The following DCC variants were observed in gnomAD, a reference collection of about 807,000 sequenced individuals.
DCC encodes the protein DCC netrin 1 receptor.
DCC carries 58 observed loss-of-function variants against 172.5 expected under a neutral mutation model. The observed-to-expected ratio is 0.34, with a 90% CI of 0.27 to 0.42. The LOEUF is 0.42. Ranked by LOEUF, DCC falls within the 10% of genes least tolerant of loss-of-function variation. The pLI, the probability that DCC is intolerant of heterozygous loss-of-function variation, is 1.00. For missense variants in DCC, 1,740 were observed against 1,791.0 expected, an observed-to-expected ratio of 0.97 and a Z score of 0.51; for synonymous variants, 709 against 644.5, an observed-to-expected ratio of 1.10 and a Z score of -1.52.
At chr18:53,182,177 T>C (rs1241502015) in intron 9 of DCC, among the ~76,000 whole-genome samples, 1 of 152,228 alleles carries the variant, frequency 6.6e-6, no homozygotes, top group African/African-American at 2.4e-5. Context: ...TGTTGTCACA[T>C]ATAAATTCTA....
At chr18:52,635,838 C>T (rs1171859884) in intron 1 of DCC, among the ~76,000 whole-genome samples, 4 of 152,182 alleles carry the variant, frequency 2.6e-5, no homozygotes, top group East Asian at 1.9e-4. Context: ...AGTCAATCAC[C>T]GTGAACGGGA....
At chr18:52,705,500 A>C (rs1164694972) in intron 1 of DCC, among the ~76,000 whole-genome samples, 1 of 152,212 alleles carries the variant, frequency 6.6e-6, no homozygotes, top group Non-Finnish European at 1.5e-5. Flanking sequence ...TTTGATACAC[A>C]TGCTGGTAGT....
chr18:52,843,854 A>C (rs1330140950), intron 2 of DCC, among the ~76,000 whole-genome samples: 8 of 152,202 alleles, frequency 5.3e-5, no homozygotes. Context: ...GCACCAGAAA[A>C]GAACAGGAAA....
At chr18:52,386,729 A>ATTGTT (rs1221603587) in intron 1 of DCC, among the ~76,000 whole-genome samples, 1 of 152,036 alleles carries the variant, frequency 6.6e-6, no homozygotes, top group Non-Finnish European at 1.5e-5. Flanking sequence ...AGGGAAAGAG[A>ATTGTT]TTGTTGGGAA....
chr18:52,739,378 G>T (rs551199964), intron 1 of DCC, among the ~76,000 whole-genome samples: 1 of 152,014 alleles, frequency 6.6e-6, no homozygotes, highest in Non-Finnish European at 1.5e-5. Context: ...ACAGGTATTT[G>T]TTAAATACCT....
At position 53,441,197 on chromosome 18, in the gene DCC, G is replaced by A. The variant is rs118072660; in HGVS notation, c.3229+5988G>A. 3.0e-3 allele frequency among the ~76,000 whole-genome samples: 456 copies of A among 152,282 alleles called. 2 individuals carry two copies. The highest frequency in any genetic ancestry group is 5.2e-3 in the Non-Finnish European group (352 of 68,032). ...CTCCAAGGTACATGGGTCCTCTTGA[G>A]AAGCTCTGAGAAAATAAATAAATCA... is the stretch of plus-strand genomic sequence containing the variant. On this transcript the variant is annotated intron_variant, in intron 22 of 28. Transcript: ENST00000442544.
intron 7 of DCC, among the ~76,000 whole-genome samples, chr18:53,149,064 T>C (rs1255754309): frequency 1.3e-5 from 2 of 151,860 alleles, no homozygotes; most frequent in Non-Finnish European, 2.9e-5. Context: ...GGTTTCACCA[T>C]CTTGGCCAGG....
At chr18:52,759,390 A>G (rs1354273392) in intron 2 of DCC, among the ~76,000 whole-genome samples, 2 of 152,198 alleles carry the variant, frequency 1.3e-5, no homozygotes, top group Non-Finnish European at 2.9e-5. Flanking sequence ...TAGTAGAAAC[A>G]TCAACAAAAT....
At chr18:52,479,583 C>T (rs58924824) in intron 1 of DCC, among the ~76,000 whole-genome samples, 5 of 139,876 alleles carry the variant, frequency 3.6e-5, no homozygotes, top group African/African-American at 1.4e-4. Flanking sequence ...TCCCTCCACC[C>T]CCCCCCCGTC....
intron 1 of DCC, among the ~76,000 whole-genome samples, chr18:52,439,503 T>C (rs1987907395): frequency 6.6e-6 from 1 of 152,102 alleles, no homozygotes; most frequent in Non-Finnish European, 1.5e-5. Context: ...AGTTCCCTCA[T>C]TAGTAACTCC....
intron 12 of DCC, among the ~76,000 whole-genome samples, chr18:53,283,928 G>A (rs532881724): frequency 1.3e-5 from 2 of 152,014 alleles, no homozygotes; most frequent in East Asian, 3.9e-4. Context: ...ACAGATCAAT[G>A]GAAACTTTGA....
chr18:52,364,594 G>A (rs1015021252), intron 1 of DCC, among the ~76,000 whole-genome samples: 1 of 152,132 alleles, frequency 6.6e-6, no homozygotes, highest in Non-Finnish European at 1.5e-5. Context: ...GCATTCCTCC[G>A]AAGATCCTCT....
At chr18:53,069,650 C>A (rs1009982056) in intron 7 of DCC, among the ~76,000 whole-genome samples, 4 of 151,176 alleles carry the variant, frequency 2.6e-5, no homozygotes, top group Non-Finnish European at 4.4e-5. Context: ...CTTGCAGAAA[C>A]CTTCCATGAG....
rs141330719 is a variant in DCC, at chr18:52,474,575, C to G, written c.91+133697C>G. On this transcript the variant is annotated intron_variant, in intron 1 of 28. Coordinates refer to ENST00000442544, the MANE Select transcript of DCC (RefSeq NM_005215.4). Reference sequence around the variant, plus strand: ...GCAGAAACTTCTCTCATGGGCTGAACTCACTGAGGTTGTGACTTCATCTGT... The same window carrying G: ...GCAGAAACTTCTCTCATGGGCTGAAGTCACTGAGGTTGTGACTTCATCTGT... Among the ~76,000 whole-genome samples the G allele has an allele frequency of 3.2e-3, 487 of 152,300 alleles. 2 individuals are homozygous for G. Among genetic ancestry groups the G allele is most frequent in the African/African-American group, 0.011 (456 of 41,558 alleles).
intron 5 of DCC, among the ~76,000 whole-genome samples, chr18:52,979,863 C>A (rs1009136229): frequency 2.2e-4 from 34 of 152,124 alleles, no homozygotes; most frequent in African/African-American, 7.7e-4. Context: ...AAATGAAATC[C>A]CAAGTGTACA....
intron 12 of DCC, among the ~76,000 whole-genome samples, chr18:53,286,650 A>G (rs951199417): frequency 6.6e-6 from 1 of 152,122 alleles, no homozygotes; most frequent in Non-Finnish European, 1.5e-5. Context: ...ATTGCTCTGT[A>G]TATACTGCCT....
intron 21 of DCC, among the ~76,000 whole-genome samples, chr18:53,433,286 T>C (rs1423081865): frequency 6.6e-6 from 1 of 152,198 alleles, no homozygotes; most frequent in Admixed American, 6.5e-5. Context: ...TAGAGCTATA[T>C]GTGTATGTAA....
intron 9 of DCC, among the ~76,000 whole-genome samples, chr18:53,196,958 T>G (rs12958119): frequency 0.044 from 6,754 of 152,176 alleles, 189 homozygotes; most frequent in East Asian, 0.11. Flanking sequence ...GGTTTCATTA[T>G]GTTAATAATT....
chr18:53,010,494 G>A (rs551549599), intron 5 of DCC, among the ~76,000 whole-genome samples: 166 of 151,642 alleles, frequency 1.1e-3, no homozygotes, highest in African/African-American at 3.8e-3. Flanking sequence ...AAAAAGCCAT[G>A]TTAACAACGT....
Sources: gnomAD v4.1 joint callset for allele counts (sites outside exome capture counted in the v4.1 genomes callset) on GRCh38, gnomAD v4.1.1 for gene constraint, MANE v1.5 for transcripts, NCBI Gene and HGNC (gene_info 2026-07-23, HGNC 2026-07-21) for gene names.